The following NTNG1 variants were observed in gnomAD, a reference collection of about 807,000 sequenced individuals.
NTNG1 encodes netrin-G1.
In NTNG1, 16 loss-of-function variants were observed where a neutral mutation model predicts 54.0. The ratio of observed to expected loss-of-function variants is 0.30; its 90% CI spans 0.20 to 0.45. NTNG1 has a LOEUF of 0.45. Among genes scored for constraint, NTNG1 ranks in the 20% least tolerant of loss-of-function variants. The probability of loss-of-function intolerance (pLI) is 1.00; values close to 1 mark genes in which losing one functional copy is unlikely to be tolerated. For missense variants in NTNG1, 530 were observed against 678.7 expected (o/e 0.78, Z 2.43); for synonymous variants, 255 against 263.1 (o/e 0.97, Z 0.30).
At chr1:107,241,143 C>G (rs1270440547) in intron 2 of NTNG1, among the ~76,000 whole-genome samples, 1 of 152,192 alleles carries the variant, frequency 6.6e-6, no homozygotes, top group Middle Eastern at 3.4e-3. Context: ...TGACATGGAC[C>G]TTCTACTCTT....
chr1:107,371,938 G>C (rs1670943389), intron 3 of NTNG1, among the ~76,000 whole-genome samples: 1 of 151,900 alleles, frequency 6.6e-6, no homozygotes, highest in African/African-American at 2.4e-5. Flanking sequence ...ATACTCCAAT[G>C]AGTATTTCCT....
At chr1:107,427,891 C>G (rs901300247) in intron 5 of NTNG1, among the ~76,000 whole-genome samples, 4 of 152,050 alleles carry the variant, frequency 2.6e-5, no homozygotes, top group African/African-American at 9.7e-5. Flanking sequence ...AATGTCCCCA[C>G]AGAAATGTGT....
intron 3 of NTNG1, among the ~76,000 whole-genome samples, chr1:107,349,619 ATTAT>A (rs1375473760): frequency 6.6e-6 from 1 of 152,146 alleles, no homozygotes. Flanking sequence ...ATTATCTTGC[ATTAT>A]TTTTTCTCAT....
chr1:107,385,903 C>T (rs572986818), intron 3 of NTNG1, among the ~76,000 whole-genome samples: 6 of 150,958 alleles, frequency 4.0e-5, no homozygotes, highest in African/African-American at 1.5e-4. Context: ...ACCATCACCA[C>T]TGTCTAATTC....
chr1:107,421,884 G>GT (rs757335558), intron 5 of NTNG1, among the ~76,000 whole-genome samples: 37 of 151,770 alleles, frequency 2.4e-4, no homozygotes, highest in Non-Finnish European at 3.8e-4. Flanking sequence ...TTTTAGTTTT[G>GT]TTTTTTGTTT....
chr1:107,341,331 T>C (rs1004221508), intron 3 of NTNG1, among the ~76,000 whole-genome samples: 2 of 152,062 alleles, frequency 1.3e-5, no homozygotes, highest in South Asian at 2.1e-4. Flanking sequence ...TGTGCACTTA[T>C]CTGTCTTAAT....
intron 2 of NTNG1, 143 bp downstream of exon 2, chr1:107,148,982 C>A: frequency 1.3e-6 from 1 of 799,290 alleles, no homozygotes; most frequent in Non-Finnish European, 2.0e-6. Context: ...TAGTTTCTTT[C>A]TCAGTGGAGG....
chr1:107,317,323 A>G (rs1412507818), intron 2 of NTNG1, among the ~76,000 whole-genome samples: 1 of 152,126 alleles, frequency 6.6e-6, no homozygotes, highest in Non-Finnish European at 1.5e-5. Context: ...CTAATTCAAG[A>G]CCATCTATAA....
chr1:107,295,317 A>G (rs1185893377), intron 2 of NTNG1, among the ~76,000 whole-genome samples: 2 of 152,118 alleles, frequency 1.3e-5, no homozygotes, highest in Non-Finnish European at 2.9e-5. Context: ...GGATATATCC[A>G]TTTTCACTTT....
chr1:107,375,524 A>T (rs1671175996), intron 3 of NTNG1, among the ~76,000 whole-genome samples: 1 of 152,234 alleles, frequency 6.6e-6, no homozygotes, highest in Admixed American at 6.5e-5. Flanking sequence ...GTGATTACTG[A>T]CATGATCTAC....
chr1:107,376,429 C>A (rs11185101), intron 3 of NTNG1, among the ~76,000 whole-genome samples: 76 of 116,072 alleles, frequency 6.5e-4, no homozygotes, highest in Middle Eastern at 4.5e-3. Flanking sequence ...AAAAAAAAAA[C>A]AAAAAAAAAA....
chr1:107,394,899 C>A (rs527619400), intron 3 of NTNG1, among the ~76,000 whole-genome samples: 3 of 152,210 alleles, frequency 2.0e-5, no homozygotes, highest in African/African-American at 7.2e-5. Flanking sequence ...GAGCTTCAGG[C>A]CCCCACTGAC....
intron 3 of NTNG1, among the ~76,000 whole-genome samples, chr1:107,392,124 T>A (rs1672401948): frequency 1.3e-5 from 2 of 152,088 alleles, no homozygotes; most frequent in Admixed American, 6.6e-5. Context: ...TTTTGATGAA[T>A]AAGTCTGAAG....
intron 7 of NTNG1, among the ~76,000 whole-genome samples, chr1:107,438,110 TTCTA>T (rs1355184730): frequency 1.3e-5 from 2 of 149,138 alleles, no homozygotes; most frequent in Non-Finnish European, 3.0e-5. Flanking sequence ...TTATAGAATG[TTCTA>T]TCTGTTACTT....
chr1:107,440,963 G>T (rs1161692355), intron 7 of NTNG1, among the ~76,000 whole-genome samples: 1 of 152,042 alleles, frequency 6.6e-6, no homozygotes, highest in African/African-American at 2.4e-5. Context: ...GAAATAATAA[G>T]ATTTCAAGCA....
chr1:107,278,659 A>G (rs964401401), intron 2 of NTNG1, among the ~76,000 whole-genome samples: 1 of 152,110 alleles, frequency 6.6e-6, no homozygotes, highest in Admixed American at 6.5e-5. Flanking sequence ...TTTAGACAAT[A>G]TGTACTGATT....
At chr1:107,189,835 G>T (rs982176154) in intron 2 of NTNG1, among the ~76,000 whole-genome samples, 1 of 149,654 alleles carries the variant, frequency 6.7e-6, no homozygotes, top group Non-Finnish European at 1.5e-5. Context: ...AAAAAAAAGG[G>T]GGGGGCCTTA....
At chr1:107,155,869 A>C (rs1470112714) in intron 2 of NTNG1, among the ~76,000 whole-genome samples, 24 of 152,178 alleles carry the variant, frequency 1.6e-4, no homozygotes, top group Admixed American at 1.5e-3. Context: ...CTGTATTTTT[A>C]CGTACTTTTT....
intron 2 of NTNG1, among the ~76,000 whole-genome samples, chr1:107,150,185 C>A (rs1422373937): frequency 6.6e-6 from 1 of 152,056 alleles, no homozygotes; most frequent in Non-Finnish European, 1.5e-5. Context: ...CCCTGAAAGA[C>A]TAAATATTTC....
Sources: allele counts gnomAD v4.1 joint callset (sites outside exome capture counted in the v4.1 genomes callset), GRCh38; gene constraint gnomAD v4.1.1; transcripts MANE v1.5; gene names NCBI Gene and HGNC (gene_info 2026-07-23, HGNC 2026-07-21).